The following FRAS1 variants were observed in gnomAD, a reference collection of about 807,000 sequenced individuals.
FRAS1 encodes extracellular matrix organizing protein FRAS1.
FRAS1 carries 290 observed loss-of-function variants against 435.2 expected under a neutral mutation model. That is an observed-to-expected ratio of 0.67 (90% CI 0.61 to 0.73). The LOEUF is 0.73. FRAS1 is among the 30% of genes least tolerant of loss of function. The pLI, the probability that FRAS1 is intolerant of heterozygous loss-of-function variation, is 0.00. For missense variants in FRAS1, 4,860 were observed against 5,001.5 expected (o/e 0.97, Z 0.85); for synonymous variants, 1,800 against 1,851.0 (o/e 0.97, Z 0.71).
intron 41 of FRAS1, among the ~76,000 whole-genome samples, chr4:78,443,801 G>A (rs1718672209): frequency 6.6e-6 from 1 of 152,194 alleles, no homozygotes; most frequent in Non-Finnish European, 1.5e-5. Context: ...GATTTAAAAT[G>A]AGGCACTATT....
chr4:78,060,853 TA>T (rs1347967552), intron 1 of FRAS1, among the ~76,000 whole-genome samples: 9 of 152,148 alleles, frequency 5.9e-5, no homozygotes, highest in East Asian at 1.9e-4. Flanking sequence ...TTATTTTTAT[TA>T]TTTTTTTTTT....
intron 38 of FRAS1, among the ~76,000 whole-genome samples, chr4:78,434,023 C>T (rs1734315242): frequency 6.6e-6 from 1 of 152,200 alleles, no homozygotes; most frequent in Admixed American, 6.5e-5. Flanking sequence ...AGGTTATACA[C>T]TAACTTTCTC....
In FRAS1 at chr4:78,109,449, G is replaced by A. The variant is rs1400092890; in HGVS notation, c.108+43433G>A. Among the ~76,000 whole-genome samples the A allele has an allele frequency of 4.6e-5, 7 of 151,938 alleles. No individual in the cohort carries two copies. In the East Asian group the frequency reaches 5.8e-4, roughly 13 times the overall value. On this transcript the variant is annotated intron_variant, in intron 2 of 73. Coordinates refer to ENST00000512123, the MANE Select transcript of FRAS1 (RefSeq NM_025074.7). ...GGGATGCAAGGCTGGTTCAACATAC[G>A]AAAATCAATAAACGTAATCTAGCAT...
intron 35 of FRAS1, among the ~76,000 whole-genome samples, chr4:78,427,638 T>C (rs1734047779): frequency 6.6e-6 from 1 of 152,138 alleles, no homozygotes; most frequent in South Asian, 2.1e-4. Flanking sequence ...GGAGATCAAA[T>C]GTAAAGAAGC....
At chr4:78,183,778 A>G (rs1351912427) in intron 2 of FRAS1, among the ~76,000 whole-genome samples, 1 of 92,340 alleles carries the variant, frequency 1.1e-5, no homozygotes, top group African/African-American at 3.3e-5. Context: ...GTGTGTGTTT[A>G]AATATATTAT....
intron 19 of FRAS1, among the ~76,000 whole-genome samples, chr4:78,334,363 CTTTTTTTTTTTT>C (rs1007481617): frequency 2.2e-5 from 2 of 92,270 alleles, no homozygotes; most frequent in South Asian, 3.8e-4. Flanking sequence ...AACCAATTTT[CTTTTTTTTTTTT>C]TTTTTTTTTT....
chr4:78,090,926 T>C (rs1741482237), intron 2 of FRAS1, among the ~76,000 whole-genome samples: 1 of 152,216 alleles, frequency 6.6e-6, no homozygotes, highest in African/African-American at 2.4e-5. Flanking sequence ...ATTTGTAGTT[T>C]ATAAATCATG....
chr4:78,513,332 T>C (rs1487411207), intron 64 of FRAS1, 60 bp from the exon 65 acceptor site: 2 of 1,521,370 alleles, frequency 1.3e-6, no homozygotes, highest in African/African-American at 2.8e-5. Context: ...GAAAGAAGTA[T>C]GTCCTATTGA....
chr4:78,122,804 G>A (rs1416930866), intron 2 of FRAS1, among the ~76,000 whole-genome samples: 2 of 152,062 alleles, frequency 1.3e-5, no homozygotes, highest in Non-Finnish European at 2.9e-5. Context: ...CATATCCTTT[G>A]CCCATTTTTG....
chr4:78,440,284 G>A (rs765614671), intron 40 of FRAS1, among the ~76,000 whole-genome samples: 15 of 151,774 alleles, frequency 9.9e-5, no homozygotes, highest in Admixed American at 2.0e-4. Context: ...CACCCGCCTC[G>A]GCCTCCCAAA....
intron 10 of FRAS1, 140 bp from the exon 11 acceptor site, chr4:78,281,258 T>C (rs913140480): frequency 1.8e-5 from 11 of 597,642 alleles, no homozygotes; most frequent in African/African-American, 4.0e-5. Context: ...TTTTATAAGA[T>C]AGATTTCATC....
intron 29 of FRAS1, among the ~76,000 whole-genome samples, chr4:78,389,431 C>CT (rs112132890): frequency 0.026 from 3,926 of 152,302 alleles, 173 homozygotes; most frequent in African/African-American, 0.089. Context: ...CTAATATGAT[C>CT]TGCTAGGTAA....
At chr4:78,114,487 G>T (rs1026692952) in intron 2 of FRAS1, among the ~76,000 whole-genome samples, 2 of 151,802 alleles carry the variant, frequency 1.3e-5, no homozygotes, top group African/African-American at 4.8e-5. Context: ...CCATTTGTTT[G>T]TATCCTCTTT....
intron 65 of FRAS1, among the ~76,000 whole-genome samples, chr4:78,514,600 A>G (rs563440413): frequency 2.6e-5 from 4 of 152,224 alleles, no homozygotes; most frequent in African/African-American, 7.2e-5. Context: ...GAAGAGACAT[A>G]CTGTGTTTAA....
rs746618346 is a variant in FRAS1, at chr4:78,375,799, G to A, written c.3212G>A (p.Gly1071Glu). The change falls in exon 26 of 74, where the codon GGG becomes GAG. Residue 1071 changes from glycine (G) to glutamate (E), a missense_variant. Transcript: ENST00000512123. Reference protein sequence around the residue: ...HRDRCHLCDHGFFLKSGLCVY... With the variant: ...HRDRCHLCDHEFFLKSGLCVY... ...GACCGTTGTCACCTCTGTGACCATG[G>A]GTTCTTTCTGAAGAGTGGCCTCTGT... The A allele has an allele frequency of 6.2e-7, 1 of 1,613,022 alleles. No homozygotes were observed. Among genetic ancestry groups the A allele is most frequent in the South Asian group, 1.1e-5 (1 of 90,794 alleles).
At chr4:78,446,399 T>G in intron 42 of FRAS1, 1 of 1,093,138 alleles carries the variant, frequency 9.1e-7, no homozygotes, top group Non-Finnish European at 1.1e-6. Context: ...ATTAGTATGG[T>G]CTTTTATCTT....
At chr4:78,083,626 G>GTTTTTTTTTTTT (rs35633131) in intron 2 of FRAS1, among the ~76,000 whole-genome samples, 1 of 108,304 alleles carries the variant, frequency 9.2e-6, no homozygotes, top group African/African-American at 3.6e-5. Context: ...TGCAAGTTCT[G>GTTTTTTTTTTTT]TTTTTTTTTT....
At chr4:78,434,947 G>A (rs1055725980) in intron 38 of FRAS1, among the ~76,000 whole-genome samples, 1 of 151,866 alleles carries the variant, frequency 6.6e-6, no homozygotes, top group Non-Finnish European at 1.5e-5. Flanking sequence ...TATTGAAAAG[G>A]CATCAGTTCC....
chr4:78,483,963 A>G (rs992639333), intron 58 of FRAS1, among the ~76,000 whole-genome samples: 32 of 151,820 alleles, frequency 2.1e-4, no homozygotes, highest in African/African-American at 7.0e-4. Context: ...AGTTTTGACA[A>G]ATGTATACAG....
Sources: gnomAD v4.1 joint callset for allele counts (sites outside exome capture counted in the v4.1 genomes callset) on GRCh38, gnomAD v4.1.1 for gene constraint, MANE v1.5 for transcripts, NCBI Gene and HGNC (gene_info 2026-07-23, HGNC 2026-07-21) for gene names.